TTC6: variants seen among roughly 807,000 people sequenced by gnomAD.
TTC6 encodes tetratricopeptide repeat domain 6.
A neutral mutation model predicts 210.4 loss-of-function variants in TTC6; 172 were observed. The observed-to-expected ratio is 0.82, with a 90% CI of 0.72 to 0.93. TTC6 has a LOEUF of 0.93. TTC6 is among the 40% of genes least tolerant of loss of function. The probability of loss-of-function intolerance (pLI) is 0.00; values close to 1 mark genes in which losing one functional copy is unlikely to be tolerated. For missense variants in TTC6, 2,414 were observed against 2,318.1 expected, an observed-to-expected ratio of 1.04 and a Z score of -0.85; for synonymous variants, 804 against 819.6, an observed-to-expected ratio of 0.98 and a Z score of 0.32.
chr14:37,644,016 T>C (rs772298566), intron 1 of TTC6, among the ~76,000 whole-genome samples: 3 of 152,236 alleles, frequency 2.0e-5, no homozygotes, highest in Non-Finnish European at 4.4e-5. Flanking sequence ...AAAGGCTTAT[T>C]AAATATCCAT....
At chr14:37,610,305 A>C (rs2095632255) in intron 2 of TTC6, among the ~76,000 whole-genome samples, 1 of 152,210 alleles carries the variant, frequency 6.6e-6, no homozygotes, top group African/African-American at 2.4e-5. Context: ...CTTCCAGCAC[A>C]GATCTCATGG....
upstream of TTC6, chr14:37,595,811 G>A (rs2095603107): frequency 6.6e-6 from 1 of 152,234 alleles, no homozygotes; most frequent in Admixed American, 6.5e-5. Context: ...AACCCCGGGA[G>A]ACTGGAGAAT....
rs138723093 is a variant in TTC6 at position 37,716,904 on chromosome 14, A to G, written c.1713+2108A>G. 6.5e-3 allele frequency among the ~76,000 whole-genome samples: 991 copies of G among 152,276 alleles called. 5 individuals are homozygous for G. Among genetic ancestry groups the G allele is most frequent in the Non-Finnish European group, 0.01 (682 of 67,980 alleles). On this transcript the variant is annotated intron_variant, in intron 6 of 30. Coordinates refer to ENST00000553443, the Ensembl canonical transcript of TTC6. The stretch of plus-strand genomic sequence containing the variant: ...ACATATACCAGGATAGAGCAAATCC[A>G]TAATGGACTAAAACTAGAAATCAGT...
intron 29 of TTC6, among the ~76,000 whole-genome samples, chr14:37,832,394 A>G (rs56325709): frequency 7.8e-4 from 36 of 45,918 alleles, no homozygotes; most frequent in African/African-American, 3.2e-3. Flanking sequence ...TTCTAGTTTT[A>G]TGAGGTGCAT....
At chr14:37,817,514 G>A in intron 25 of TTC6, 64 bp from the exon 28 acceptor site, 1 of 1,417,030 alleles carries the variant, frequency 7.1e-7, no homozygotes, top group Non-Finnish European at 9.9e-7. Flanking sequence ...CAGTTAGAAG[G>A]AAGTTTAAGA....
At chr14:37,795,123 C>A in intron 17 of TTC6, 147 bp from the exon 20 acceptor site, 1 of 459,914 alleles carries the variant, frequency 2.2e-6, no homozygotes. Context: ...TTCTCTGTAT[C>A]CCATTTGCTT....
intron 14 of TTC6, among the ~76,000 whole-genome samples, chr14:37,770,546 A>G (rs2139175998): frequency 6.6e-6 from 1 of 151,846 alleles, no homozygotes; most frequent in Non-Finnish European, 1.5e-5. Context: ...TGATCCCTTT[A>G]CCATTATGTA....
At chr14:37,610,475 T>G (rs1195296627) in intron 2 of TTC6, among the ~76,000 whole-genome samples, 1 of 151,860 alleles carries the variant, frequency 6.6e-6, no homozygotes, top group Non-Finnish European at 1.5e-5. Context: ...GCCTGCTAAG[T>G]GTACTGAGCA....
chr14:37,628,908 G>A (rs1302134470), intron 1 of TTC6, among the ~76,000 whole-genome samples: 1 of 152,172 alleles, frequency 6.6e-6, no homozygotes, highest in East Asian at 1.9e-4. Context: ...TCAAAGGTCA[G>A]ATGGTTGTAG....
intron 14 of TTC6, among the ~76,000 whole-genome samples, chr14:37,774,227 T>G (rs2096029974): frequency 6.6e-6 from 1 of 152,190 alleles, no homozygotes; most frequent in African/African-American, 2.4e-5. Flanking sequence ...TTTGACTTCT[T>G]CTCATCCTAT....
intron 26 of TTC6, among the ~76,000 whole-genome samples, chr14:37,820,917 TCTC>T (rs2096154383): frequency 7.0e-6 from 1 of 143,798 alleles, no homozygotes; most frequent in South Asian, 2.2e-4. Flanking sequence ...TCCTCCTCCT[TCTC>T]CTCCTTCTTC....
intron 1 of TTC6, among the ~76,000 whole-genome samples, chr14:37,604,337 CA>C (rs1438296359): frequency 1.3e-5 from 2 of 152,196 alleles, no homozygotes; most frequent in African/African-American, 2.4e-5. Flanking sequence ...ATCAAGTTCA[CA>C]TTAAGGACCT....
chr14:37,699,310 T>C lies in TTC6; in HGVS notation c.1377-2022T>C, dbSNP rs540755698. 2.6e-5 allele frequency among the ~76,000 whole-genome samples: 4 copies of C among 152,274 alleles called. No individual in the cohort carries two copies. In the East Asian group the frequency reaches 7.7e-4, roughly 29 times the overall value. The stretch of plus-strand genomic sequence containing the variant: ...AACTTCTGCCATGTGAGAGACACTG[T>C]TCTAAATGCATTCACTCTTCTTTCT... On this transcript the variant is annotated intron_variant, in intron 4 of 30. Coordinates refer to ENST00000553443, the Ensembl canonical transcript of TTC6.
At chr14:37,638,223 G>C (rs2095684817) in intron 1 of TTC6, among the ~76,000 whole-genome samples, 1 of 152,082 alleles carries the variant, frequency 6.6e-6, no homozygotes, top group South Asian at 2.1e-4. Flanking sequence ...GATACTTTAT[G>C]ATTACATTTA....
chr14:37,624,873 G>T (rs540568908), intron 1 of TTC6, among the ~76,000 whole-genome samples: 2 of 151,884 alleles, frequency 1.3e-5, no homozygotes, highest in African/African-American at 4.8e-5. Flanking sequence ...CGCCCGCCTC[G>T]GCCTCCCAAA....
chr14:37,701,163 C>T (rs1254687432), intron 4 of TTC6, among the ~76,000 whole-genome samples, 169 bp from the exon 7 acceptor site: 1 of 152,074 alleles, frequency 6.6e-6, no homozygotes, highest in Non-Finnish European at 1.5e-5. Flanking sequence ...GGACAATGGC[C>T]TGAGATTGTG....
chr14:37,629,855 T>G (rs1395846844), intron 1 of TTC6, among the ~76,000 whole-genome samples: 3 of 152,210 alleles, frequency 2.0e-5, no homozygotes, highest in Non-Finnish European at 2.9e-5. Flanking sequence ...TCTGCATGTA[T>G]TGAGATAATC....
At chr14:37,716,116 TA>T (rs2095852316) in intron 6 of TTC6, among the ~76,000 whole-genome samples, 1 of 152,110 alleles carries the variant, frequency 6.6e-6, no homozygotes, top group South Asian at 2.1e-4. Context: ...CTTGAACTAG[TA>T]AAATAATACC....
chr14:37,789,596 T>TA (rs71433930), intron 15 of TTC6, among the ~76,000 whole-genome samples: 23 of 134,492 alleles, frequency 1.7e-4, no homozygotes, highest in African/African-American at 3.9e-4. Context: ...TGGTTTCCTC[T>TA]TATATATATA....
Sources: allele counts gnomAD v4.1 joint callset (sites outside exome capture counted in the v4.1 genomes callset), GRCh38; gene constraint gnomAD v4.1.1; transcripts MANE v1.5; gene names NCBI Gene and HGNC (gene_info 2026-07-23, HGNC 2026-07-21).